The following SOX6 variants were observed in gnomAD, a reference collection of about 807,000 sequenced individuals.
SOX6 encodes the protein transcription factor SOX-6.
SOX6 carries 11 observed loss-of-function variants against 97.8 expected under a neutral mutation model. The ratio of observed to expected loss-of-function variants is 0.11; its 90% CI spans 0.07 to 0.19. The LOEUF (loss-of-function observed/expected upper bound fraction) is 0.19, where lower values mean the gene tolerates loss of function less well. Among genes scored for constraint, SOX6 ranks in the 10% least tolerant of loss-of-function variants. The pLI is 1.00. For synonymous variants in SOX6, 360 were observed against 371.4 expected, an observed-to-expected ratio of 0.97 and a Z score of 0.35; for missense variants, 810 against 1,039.5, an observed-to-expected ratio of 0.78 and a Z score of 3.04.
intron 1 of SOX6, among the ~76,000 whole-genome samples, chr11:16,455,922 A>T (rs1464840263): frequency 1.3e-5 from 2 of 152,018 alleles, no homozygotes; most frequent in Non-Finnish European, 2.9e-5. Context: ...CTTAAAGAAA[A>T]AAGTTACATG....
intron 3 of SOX6, among the ~76,000 whole-genome samples, chr11:16,237,220 T>A (rs946254451): frequency 1.5e-4 from 23 of 151,992 alleles, no homozygotes; most frequent in African/African-American, 5.3e-4. Flanking sequence ...TCTAGAGGCA[T>A]ACCACAATTG....
intron 3 of SOX6, among the ~76,000 whole-genome samples, chr11:16,704,265 A>G (rs935521241): frequency 1.3e-5 from 2 of 152,210 alleles, no homozygotes; most frequent in African/African-American, 4.8e-5. Context: ...CTGGAAATAC[A>G]TGGAACCTAC....
At chr11:16,132,325 AGGAAG>A (rs1849777991) in intron 6 of SOX6, among the ~76,000 whole-genome samples, 16 of 106,022 alleles carry the variant, frequency 1.5e-4, no homozygotes, top group Middle Eastern at 4.7e-3. Context: ...GAAGGAAGGA[AGGAAG>A]GAAAGAAAAA....
intron 1 of SOX6, among the ~76,000 whole-genome samples, chr11:16,344,574 A>T (rs1180112820): frequency 6.6e-6 from 1 of 151,932 alleles, no homozygotes; most frequent in Admixed American, 6.6e-5. Flanking sequence ...CCCATGTTTC[A>T]GTGTTTTAAA....
intron 4 of SOX6, among the ~76,000 whole-genome samples, chr11:16,206,047 A>T (rs888275474): frequency 5.4e-5 from 8 of 149,484 alleles, no homozygotes; most frequent in Admixed American, 3.3e-4. Context: ...GTAGCATTAG[A>T]AAAAAAAAAC....
At chr11:16,293,126 C>G (rs1854964941) in intron 3 of SOX6, among the ~76,000 whole-genome samples, 1 of 152,064 alleles carries the variant, frequency 6.6e-6, no homozygotes. Context: ...CCAAAGTTAA[C>G]ATTTTAAAAT....
At chr11:16,130,418 CTA>C (rs1396253676) in intron 6 of SOX6, among the ~76,000 whole-genome samples, 1 of 151,818 alleles carries the variant, frequency 6.6e-6, no homozygotes, top group Non-Finnish European at 1.5e-5. Flanking sequence ...AGTAATTTCA[CTA>C]TGTTTATGCA....
intron 4 of SOX6, among the ~76,000 whole-genome samples, chr11:16,523,075 C>G (rs1242798001): frequency 2.0e-5 from 3 of 152,044 alleles, no homozygotes; most frequent in Non-Finnish European, 2.9e-5. Flanking sequence ...AGATCAACAA[C>G]ACAAAAAGTT....
At chr11:16,149,835 T>C (rs1438790391) in intron 6 of SOX6, among the ~76,000 whole-genome samples, 1 of 152,186 alleles carries the variant, frequency 6.6e-6, no homozygotes, top group Non-Finnish European at 1.5e-5. Flanking sequence ...CTGGTGTTAA[T>C]GACCCAGTAG....
chr11:16,518,319 C>T (rs1861005825), intron 4 of SOX6, among the ~76,000 whole-genome samples: 1 of 152,162 alleles, frequency 6.6e-6, no homozygotes, highest in African/African-American at 2.4e-5. Flanking sequence ...TTCAACTCTA[C>T]CTGTTAAATA....
intron 7 of SOX6, among the ~76,000 whole-genome samples, chr11:16,109,503 TCA>T (rs1849176127): frequency 6.6e-6 from 1 of 151,818 alleles, no homozygotes; most frequent in Admixed American, 6.6e-5. Flanking sequence ...CACCCAGCCC[TCA>T]CATACATTTC....
In SOX6 at chr11:16,402,829, T is replaced by C. The variant is rs1446050749; in HGVS notation, c.-4-61577A>G. ...CATGTCCTTGAAGCTCACCATGACC[T>C]TTCATCTTTCCTATCCCCAATGGTC... On this transcript the variant is annotated intron_variant, in intron 1 of 15. Coordinates refer to the SOX6 transcript ENST00000396356. 3 of 1,552,036 alleles carry C rather than the reference T, an allele frequency of 1.9e-6. No individual in the cohort carries two copies. In the Admixed American group the frequency reaches 5.8e-5, roughly 30 times the overall value.
At chr11:16,711,390 A>C (rs547345646) in intron 3 of SOX6, among the ~76,000 whole-genome samples, 5 of 149,608 alleles carry the variant, frequency 3.3e-5, no homozygotes, top group African/African-American at 1.2e-4. Flanking sequence ...TTAGCCAGGC[A>C]TGGTGGGCCT....
intron 7 of SOX6, among the ~76,000 whole-genome samples, chr11:16,100,813 T>C (rs1261344906): frequency 1.3e-5 from 2 of 151,302 alleles, no homozygotes; most frequent in African/African-American, 2.4e-5. Context: ...CTTTCATTCT[T>C]CAGAAAGACA....
chr11:16,514,266 T>C (rs1042173491), intron 4 of SOX6, among the ~76,000 whole-genome samples: 1 of 150,446 alleles, frequency 6.6e-6, no homozygotes, highest in Non-Finnish European at 1.5e-5. Flanking sequence ...CATGTACATA[T>C]TGTTACATGT....
At chr11:16,258,868 C>T (rs961909148) in intron 3 of SOX6, among the ~76,000 whole-genome samples, 7 of 151,458 alleles carry the variant, frequency 4.6e-5, no homozygotes, top group African/African-American at 1.5e-4. Context: ...TATATACACA[C>T]ATTATATATA....
chr11:16,184,716 C>T (rs2134103275), intron 5 of SOX6, among the ~76,000 whole-genome samples: 1 of 152,188 alleles, frequency 6.6e-6, no homozygotes, highest in South Asian at 2.1e-4. Context: ...CTGTCTCTGG[C>T]CCTCAGGAGG....
chr11:16,191,842 GT>G (rs780977559), intron 4 of SOX6, among the ~76,000 whole-genome samples: 21 of 137,762 alleles, frequency 1.5e-4, no homozygotes, highest in African/African-American at 2.4e-4. Context: ...GTGCAGCAGG[GT>G]TTTTTTTTTC....
At chr11:16,401,108 C>T (rs1325071429) in intron 1 of SOX6, among the ~76,000 whole-genome samples, 3 of 151,454 alleles carry the variant, frequency 2.0e-5, no homozygotes, top group Non-Finnish European at 3.0e-5. Flanking sequence ...AATTGAATAA[C>T]ATTGGATCCC....
Sources: gnomAD v4.1 joint callset for allele counts (sites outside exome capture counted in the v4.1 genomes callset) on GRCh38, gnomAD v4.1.1 for gene constraint, MANE v1.5 for transcripts, NCBI Gene and HGNC (gene_info 2026-07-23, HGNC 2026-07-21) for gene names.